Variants in DCUN1D4 observed in about 807,000 individuals in gnomAD.
DCUN1D4 encodes defective in cullin neddylation 1 domain containing 4.
In DCUN1D4, 22 loss-of-function variants were observed where a neutral mutation model predicts 47.9. The ratio of observed to expected loss-of-function variants is 0.46; its 90% CI spans 0.33 to 0.66. The LOEUF is 0.66. DCUN1D4 is among the 30% of genes least tolerant of loss of function. DCUN1D4 has a pLI of 0.02. For missense variants in DCUN1D4, 301 were observed against 340.8 expected, an observed-to-expected ratio of 0.88 and a Z score of 0.92; for synonymous variants, 121 against 112.2, an observed-to-expected ratio of 1.08 and a Z score of -0.50.
At chr4:51,898,535 T>C (rs1055243545) in intron 7 of DCUN1D4, among the ~76,000 whole-genome samples, 3 of 152,236 alleles carry the variant, frequency 2.0e-5, no homozygotes, top group African/African-American at 7.2e-5. Context: ...TGTAGATACT[T>C]ACTATTTCAA....
At chr4:51,841,842 C>T (rs180910749), upstream of DCUN1D4, among the ~76,000 whole-genome samples, 427 of 151,988 alleles carry the variant, frequency 2.8e-3, 7 homozygotes, top group Admixed American at 0.025. Flanking sequence ...AAAGACCGTG[C>T]GTTCTGTTAC....
At chr4:51,910,581 T>G (rs1314395801) in intron 8 of DCUN1D4, among the ~76,000 whole-genome samples, 1 of 152,174 alleles carries the variant, frequency 6.6e-6, no homozygotes, top group African/African-American at 2.4e-5. Context: ...TTCCAGCATG[T>G]TTAGGTTCAA....
intron 1 of DCUN1D4, among the ~76,000 whole-genome samples, chr4:51,849,702 C>T (rs1273245739): frequency 6.6e-6 from 1 of 152,154 alleles, no homozygotes; most frequent in African/African-American, 2.4e-5. Flanking sequence ...TGGGTCTCAT[C>T]ATGTGCCACT....
intron 4 of DCUN1D4, chr4:51,875,057 C>CTT (rs1480167745): frequency 1.3e-5 from 2 of 152,172 alleles, no homozygotes; most frequent in Admixed American, 6.5e-5. Context: ...CCCATTCTGG[C>CTT]TTTGTGGGTC....
upstream of DCUN1D4, among the ~76,000 whole-genome samples, chr4:51,839,006 C>A (rs1460171247): frequency 6.6e-6 from 1 of 152,002 alleles, no homozygotes; most frequent in Non-Finnish European, 1.5e-5. Flanking sequence ...ACCCAGGAGG[C>A]AGAGGTTGCC....
upstream of DCUN1D4, among the ~76,000 whole-genome samples, chr4:51,838,818 G>A (rs1721559855): frequency 6.6e-6 from 1 of 152,188 alleles, no homozygotes; most frequent in Non-Finnish European, 1.5e-5. Flanking sequence ...GCTCATGCCT[G>A]TAATCTCAGC....
At chr4:51,859,147 A>C (rs188823840) in intron 1 of DCUN1D4, among the ~76,000 whole-genome samples, 2 of 152,148 alleles carry the variant, frequency 1.3e-5, no homozygotes, top group African/African-American at 4.8e-5. Flanking sequence ...TTTTGATTGC[A>C]TTAATTTGTG....
intron 7 of DCUN1D4, among the ~76,000 whole-genome samples, chr4:51,898,473 T>C (rs1461694897): frequency 6.6e-6 from 1 of 152,182 alleles, no homozygotes. Flanking sequence ...ACAATACACA[T>C]TGAGTGAAAT....
chr4:51,898,288 A>T (rs535802560), intron 7 of DCUN1D4, among the ~76,000 whole-genome samples: 1 of 152,116 alleles, frequency 6.6e-6, no homozygotes, highest in Non-Finnish European at 1.5e-5. Context: ...CCTTCCCTGG[A>T]TGTCAGATTG....
Position 51,887,903 on chromosome 4 carries a change from G to GT in DCUN1D4, c.414+1265_414+1266insT, listed in dbSNP as rs1560497112. 4.2e-4 allele frequency among the ~76,000 whole-genome samples: 57 copies of GT among 136,578 alleles called. 1 individual carries two copies. The highest frequency in any genetic ancestry group is 1.4e-3 in the African/African-American group (51 of 36,986). The allele number at this position is 136,578 out of a possible 152,430, so 89.6% of individuals were successfully genotyped here. A position where few individuals can be genotyped will look rare whatever the true frequency, so the allele number is the denominator to read the frequency against. On this transcript the variant is annotated intron_variant, in intron 6 of 10. Coordinates refer to ENST00000334635, the MANE Select transcript of DCUN1D4 (RefSeq NM_001040402.3). ...AGATTTTTATCTTGGTTTTTTTTTTGGTTTTTTTTTTTTTTTTAAATGTAT... is the reference window on the plus strand; with the variant it reads ...AGATTTTTATCTTGGTTTTTTTTTTGTGTTTTTTTTTTTTTTTTAAATGTAT...
intron 5 of DCUN1D4, among the ~76,000 whole-genome samples, chr4:51,879,019 T>C (rs1728120815): frequency 6.6e-6 from 1 of 152,190 alleles, no homozygotes; most frequent in African/African-American, 2.4e-5. Flanking sequence ...GGTTTTCAGA[T>C]TGAAGCTGGG....
rs1418491950 is a variant in DCUN1D4, at chr4:51,915,860, A to G, written c.*2276A>G. Reference sequence around the variant, plus strand: ...TATGATAAGAAAGTAAGTATTCCAAAGGGATAATCTTGCATATTAAGAAAA... The same window carrying G: ...TATGATAAGAAAGTAAGTATTCCAAGGGGATAATCTTGCATATTAAGAAAA... On this transcript the variant is annotated 3_prime_UTR_variant, in exon 11 of 11. Transcript: ENST00000334635. The G allele has an allele frequency of 6.6e-6, 1 of 152,592 alleles. No individual in the cohort carries two copies. The highest frequency in any genetic ancestry group is 2.4e-5 in the African/African-American group (1 of 41,452). 9.5% of individuals were successfully genotyped at this position (152,592 alleles called of 1,614,324 possible).
chr4:51,838,681 C>A (rs1456658842), upstream of DCUN1D4, among the ~76,000 whole-genome samples: 1 of 152,272 alleles, frequency 6.6e-6, no homozygotes, highest in Admixed American at 6.5e-5. Context: ...CCATGCCCAG[C>A]CTGATTTCAC....
At chr4:51,843,826 G>A (rs1393927708) in intron 1 of DCUN1D4, 2 of 424,932 alleles carry the variant, frequency 4.7e-6, no homozygotes, top group African/African-American at 2.7e-5. Flanking sequence ...GGCGAACAAT[G>A]GGGTGGGGGA....
intron 1 of DCUN1D4, chr4:51,848,436 C>G (rs557900318): frequency 2.0e-6 from 2 of 989,044 alleles, no homozygotes; most frequent in South Asian, 7.0e-5. Context: ...ATATTCTGGT[C>G]CTAAGGATTT....
the DCUN1D4 span, among the ~76,000 whole-genome samples, chr4:51,834,099 C>T: frequency 9.4e-3 from 378 of 40,282 alleles, 2 homozygotes; most frequent in African/African-American, 0.027. Flanking sequence ...TTCTTTTCTT[C>T]TTTCTTTTTT....
At chr4:51,863,155 T>C (rs1725342361) in intron 1 of DCUN1D4, among the ~76,000 whole-genome samples, 1 of 152,228 alleles carries the variant, frequency 6.6e-6, no homozygotes, top group African/African-American at 2.4e-5. Context: ...TTCTATTAAG[T>C]TCAAGTTCAC....
chr4:51,888,404 G>T (rs1213377511), intron 6 of DCUN1D4, among the ~76,000 whole-genome samples: 1 of 152,174 alleles, frequency 6.6e-6, no homozygotes, highest in Non-Finnish European at 1.5e-5. Context: ...CTCAATAAAA[G>T]ATAGTTATTG....
chr4:51,834,086 CTT>C, the DCUN1D4 span, among the ~76,000 whole-genome samples: 3 of 47,004 alleles, frequency 6.4e-5, no homozygotes, highest in Non-Finnish European at 3.6e-5. Flanking sequence ...CTCTCTCTCT[CTT>C]TTCTTTTCTT....
Sources: gnomAD v4.1 joint callset for allele counts (sites outside exome capture counted in the v4.1 genomes callset) on GRCh38, gnomAD v4.1.1 for gene constraint, MANE v1.5 for transcripts, NCBI Gene and HGNC (gene_info 2026-07-23, HGNC 2026-07-21) for gene names.